Variants in DIAPH3 observed in about 807,000 individuals in gnomAD.
DIAPH3 encodes the protein protein diaphanous homolog 3.
Under a neutral mutation model 144.3 loss-of-function variants are expected in DIAPH3, and 117 were observed. The observed-to-expected ratio is 0.81, with a 90% CI of 0.70 to 0.95. DIAPH3 has a LOEUF of 0.95. Ranked by LOEUF, DIAPH3 falls within the 40% of genes least tolerant of loss-of-function variation. The pLI is 0.00. For missense variants in DIAPH3, 1,421 were observed against 1,412.7 expected (o/e 1.01, Z -0.09); for synonymous variants, 519 against 488.9 (o/e 1.06, Z -0.81).
intron 27 of DIAPH3, among the ~76,000 whole-genome samples, chr13:59,716,005 G>A (rs1404256429): frequency 6.6e-6 from 1 of 152,090 alleles, no homozygotes; most frequent in Non-Finnish European, 1.5e-5. Context: ...TACATTTAAA[G>A]TCTTAATGCA....
At chr13:60,100,323 AAGTC>A (rs918753216) in intron 3 of DIAPH3, among the ~76,000 whole-genome samples, 17 of 152,198 alleles carry the variant, frequency 1.1e-4, no homozygotes, top group African/African-American at 3.9e-4. Flanking sequence ...AGGAAAAAAA[AAGTC>A]AGGCAAACCC....
intron 24 of DIAPH3, among the ~76,000 whole-genome samples, chr13:59,823,567 A>C (rs982555325): frequency 6.6e-6 from 1 of 152,174 alleles, no homozygotes; most frequent in African/African-American, 2.4e-5. Context: ...TTCCTATTAA[A>C]ATTGCAAAAG....
At chr13:59,851,079 A>G (rs1217088171) in intron 22 of DIAPH3, among the ~76,000 whole-genome samples, 1 of 151,496 alleles carries the variant, frequency 6.6e-6, no homozygotes, top group Non-Finnish European at 1.5e-5. Flanking sequence ...ACCAAAAAAG[A>G]GAATTTTAGA....
At chr13:59,898,163 GAAAAAA>G in intron 20 of DIAPH3, among the ~76,000 whole-genome samples, 1 of 131,840 alleles carries the variant, frequency 7.6e-6, no homozygotes, top group South Asian at 2.8e-4. Flanking sequence ...AAAAGAAAAA[GAAAAAA>G]GAAAAAAAAA....
At chr13:60,160,919 C>A (rs1337650) in intron 1 of DIAPH3, among the ~76,000 whole-genome samples, 9,130 of 152,272 alleles carry the variant, frequency 0.06, 438 homozygotes, top group East Asian at 0.29. Context: ...TTTTACCCAA[C>A]TCACAAGTGA....
At chr13:59,872,337 TA>T (rs34587502) in intron 21 of DIAPH3, among the ~76,000 whole-genome samples, 2 of 152,252 alleles carry the variant, frequency 1.3e-5, no homozygotes, top group East Asian at 3.9e-4. Context: ...TTTGTTTTTT[TA>T]AAAAAATACA....
chr13:59,870,320 A>C (rs770117103), intron 21 of DIAPH3, among the ~76,000 whole-genome samples: 5 of 152,054 alleles, frequency 3.3e-5, no homozygotes, highest in Non-Finnish European at 7.4e-5. Flanking sequence ...CATTATTTTA[A>C]AATTATTTTT....
chr13:59,984,118 C>T (rs1269003288), intron 12 of DIAPH3, among the ~76,000 whole-genome samples: 1 of 151,488 alleles, frequency 6.6e-6, no homozygotes, highest in Non-Finnish European at 1.5e-5. Flanking sequence ...ATACAGTATC[C>T]CTTAATTTTC....
chr13:60,074,111 G>A (rs2057300812), intron 4 of DIAPH3, among the ~76,000 whole-genome samples: 1 of 152,210 alleles, frequency 6.6e-6, no homozygotes, highest in Admixed American at 6.5e-5. Context: ...CTGCTAAGAT[G>A]CTGACGACAA....
intron 19 of DIAPH3, among the ~76,000 whole-genome samples, chr13:59,914,916 T>C (rs867255367): frequency 3.3e-5 from 5 of 152,216 alleles, no homozygotes; most frequent in East Asian, 1.9e-4. Flanking sequence ...TGAATGGGTA[T>C]AGTACAAATA....
intron 1 of DIAPH3, among the ~76,000 whole-genome samples, chr13:60,139,443 C>G (rs1404662577): frequency 6.6e-6 from 1 of 152,180 alleles, no homozygotes; most frequent in African/African-American, 2.4e-5. Context: ...ATGTATTACT[C>G]ACTATCCAAA....
rs1165739891 is a variant in DIAPH3 at position 60,031,732 on chromosome 13, C to CTTTTTT, written c.626+10952_626+10957dup. 6.1e-3 allele frequency among the ~76,000 whole-genome samples: 395 copies of CTTTTTT among 64,682 alleles called. 92 individuals carry two copies. Among genetic ancestry groups the CTTTTTT allele is most frequent in the African/African-American group, 0.017 (251 of 15,162 alleles). 42.4% of individuals were successfully genotyped at this position (64,682 alleles called of 152,430 possible). ...AAACCCAGTAGGGCAGTCATTAAAT[C>CTTTTTT]TTTTTTTTTTTTTTTTTTTTTTTTT... On this transcript the variant is annotated intron_variant, in intron 5 of 27. Transcript: ENST00000400324.
Position 60,093,750 on chromosome 13 carries a change from A to C in DIAPH3, c.391-18T>G. ...ATATCTTCCTGGAAAACACAATTAA[A>C]ATGCCTCATTTTAGAATCTAAGTAG... On this transcript the variant is annotated intron_variant, in intron 3 of 27. Coordinates refer to ENST00000400324, the MANE Select transcript of DIAPH3 (RefSeq NM_001042517.2). The C allele has an allele frequency of 1.3e-6, 2 of 1,537,668 alleles. No homozygotes were observed. Among genetic ancestry groups the C allele is most frequent in the Non-Finnish European group, 1.8e-6 (2 of 1,111,794 alleles).
intron 14 of DIAPH3, among the ~76,000 whole-genome samples, chr13:59,977,951 C>T (rs925622222): frequency 5.3e-5 from 8 of 151,642 alleles, no homozygotes; most frequent in East Asian, 1.9e-4. Context: ...GGCTATCTCG[C>T]GTTGTTCTTC....
chr13:60,033,588 T>G (rs982933854), intron 5 of DIAPH3, among the ~76,000 whole-genome samples: 1 of 152,054 alleles, frequency 6.6e-6, no homozygotes, highest in Non-Finnish European at 1.5e-5. Context: ...CATACACTTT[T>G]AAATGACCAG....
intron 27 of DIAPH3, among the ~76,000 whole-genome samples, chr13:59,770,805 T>A (rs1215934370): frequency 6.6e-6 from 1 of 152,176 alleles, no homozygotes; most frequent in Non-Finnish European, 1.5e-5. Flanking sequence ...ATTACTAGTC[T>A]GTCTTTCAAC....
intron 17 of DIAPH3, among the ~76,000 whole-genome samples, chr13:59,955,065 T>C (rs1218652385): frequency 1.2e-5 from 1 of 80,270 alleles, no homozygotes; most frequent in Non-Finnish European, 2.5e-5. Context: ...TATTCTTTCA[T>C]ATATATATAT....
intron 25 of DIAPH3, among the ~76,000 whole-genome samples, chr13:59,783,542 G>A (rs878913077): frequency 6.6e-6 from 1 of 152,174 alleles, no homozygotes; most frequent in Non-Finnish European, 1.5e-5. Flanking sequence ...AGCATAGGTC[G>A]TACCTGAAAC....
intron 25 of DIAPH3, among the ~76,000 whole-genome samples, chr13:59,789,228 C>T (rs557638447): frequency 7.9e-5 from 12 of 152,232 alleles, no homozygotes; most frequent in Non-Finnish European, 1.3e-4. Context: ...CGAACACCCA[C>T]GATCCTTTAA....
Sources: allele counts gnomAD v4.1 joint callset (sites outside exome capture counted in the v4.1 genomes callset), GRCh38; gene constraint gnomAD v4.1.1; transcripts MANE v1.5; gene names NCBI Gene and HGNC (gene_info 2026-07-23, HGNC 2026-07-21).